Variants in TGFA observed in about 807,000 individuals in gnomAD.
The protein encoded by TGFA is transforming growth factor alpha.
A neutral mutation model predicts 21.7 loss-of-function variants in TGFA; 12 were observed. The observed-to-expected ratio is 0.55, with a 90% CI of 0.35 to 0.90. The LOEUF (loss-of-function observed/expected upper bound fraction) is 0.90, where lower values mean the gene tolerates loss of function less well. Among genes scored for constraint, TGFA ranks in the 40% least tolerant of loss-of-function variants. The pLI is 0.01. For synonymous variants in TGFA, 79 were observed against 88.1 expected, an observed-to-expected ratio of 0.90 and a Z score of 0.58; for missense variants, 178 against 210.8, an observed-to-expected ratio of 0.84 and a Z score of 0.96.
At chr2:70,529,786 G>C (rs1258674697) in intron 1 of TGFA, among the ~76,000 whole-genome samples, 2 of 152,220 alleles carry the variant, frequency 1.3e-5, no homozygotes, top group African/African-American at 4.8e-5. Flanking sequence ...TGACAGAAGA[G>C]ACACTCAGGG....
rs1417744041 is a variant in TGFA at position 70,450,753 on chromosome 2, G to C, written c.*106C>G. The C allele has an allele frequency of 1.5e-6, 2 of 1,336,792 alleles. No homozygotes were observed. Among genetic ancestry groups the C allele is most frequent in the Admixed American group, 2.0e-5 (1 of 50,866 alleles). The allele number at this position is 1,336,792 out of a possible 1,614,324, so 82.8% of individuals were successfully genotyped here. On this transcript the variant is annotated 3_prime_UTR_variant, in exon 6 of 6. Transcript: ENST00000295400. Reference sequence around the variant, plus strand: ...TGCACAGGTGATTACAGGCCAAGTAGGAAGGTCTGTGGCACACCCAGGCAT... The same window carrying C: ...TGCACAGGTGATTACAGGCCAAGTACGAAGGTCTGTGGCACACCCAGGCAT...
intron 1 of TGFA, among the ~76,000 whole-genome samples, chr2:70,546,298 C>CT (rs1217796368): frequency 2.6e-5 from 4 of 151,686 alleles, no homozygotes; most frequent in Non-Finnish European, 4.4e-5. Context: ...CCCTTCATTA[C>CT]TTTTTTTTAT....
chr2:70,542,607 T>G (rs1553505322), intron 1 of TGFA, among the ~76,000 whole-genome samples: 1 of 152,194 alleles, frequency 6.6e-6, no homozygotes, highest in East Asian at 1.9e-4. Context: ...AATGGTAAAT[T>G]TGGAGGTTTT....
At chr2:70,473,384 G>C (rs189114375) in intron 2 of TGFA, among the ~76,000 whole-genome samples, 1 of 151,784 alleles carries the variant, frequency 6.6e-6, no homozygotes, top group African/African-American at 2.4e-5. Flanking sequence ...CTGGGCAGGT[G>C]GGGGGAGGTG....
At chr2:70,548,305 A>G (rs563290829) in intron 1 of TGFA, among the ~76,000 whole-genome samples, 1 of 152,312 alleles carries the variant, frequency 6.6e-6, no homozygotes, top group East Asian at 1.9e-4. Context: ...AGAGGTGAGG[A>G]GGAAGAAGCC....
intron 2 of TGFA, among the ~76,000 whole-genome samples, chr2:70,510,660 C>T (rs562747543): frequency 6.6e-6 from 1 of 152,274 alleles, no homozygotes; most frequent in East Asian, 1.9e-4. Context: ...CTCTGCTGTC[C>T]CACTCAAATT....
At chr2:70,529,234 CT>C (rs1265812788) in intron 1 of TGFA, among the ~76,000 whole-genome samples, 1 of 152,198 alleles carries the variant, frequency 6.6e-6, no homozygotes, top group East Asian at 1.9e-4. Context: ...AGAATTGTTT[CT>C]TTTCAAGCCA....
At chr2:70,513,192 C>A (rs1438461200) in intron 2 of TGFA, among the ~76,000 whole-genome samples, 1 of 152,146 alleles carries the variant, frequency 6.6e-6, no homozygotes, top group Non-Finnish European at 1.5e-5. Flanking sequence ...TCAAATGATA[C>A]CCAGTGCGTA....
At chr2:70,530,376 C>A (rs1672779084) in intron 1 of TGFA, among the ~76,000 whole-genome samples, 1 of 152,240 alleles carries the variant, frequency 6.6e-6, no homozygotes, top group Non-Finnish European at 1.5e-5. Context: ...CATTCACAGG[C>A]AGATCCCAGG....
At chr2:70,521,618 T>TTTTG (rs1672471647) in intron 1 of TGFA, among the ~76,000 whole-genome samples, 2 of 8,184 alleles carry the variant, frequency 2.4e-4, no homozygotes, top group Admixed American at 1.5e-3. Context: ...TGTTTGTTTG[T>TTTTG]TTTTTTTTTT....
At chr2:70,519,442 T>C (rs1368040263) in intron 1 of TGFA, among the ~76,000 whole-genome samples, 3 of 152,252 alleles carry the variant, frequency 2.0e-5, no homozygotes, top group Non-Finnish European at 4.4e-5. Context: ...CTAAATTGTA[T>C]GATTTCATCA....
chr2:70,553,590 G>A, intron 1 of TGFA, 138 bp downstream of exon 1: 2 of 1,313,048 alleles, frequency 1.5e-6, no homozygotes, highest in South Asian at 4.7e-5. Flanking sequence ...TGCCTCCCAG[G>A]CGCCAACCCA....
chr2:70,535,424 T>C (rs1457901203), intron 1 of TGFA, among the ~76,000 whole-genome samples: 1 of 152,346 alleles, frequency 6.6e-6, no homozygotes, highest in East Asian at 1.9e-4. Flanking sequence ...AAAATAAATA[T>C]GTAGATACAT....
intron 2 of TGFA, among the ~76,000 whole-genome samples, chr2:70,469,688 A>C (rs1437612207): frequency 6.6e-6 from 1 of 152,218 alleles, no homozygotes. Flanking sequence ...GGCTTGTGTT[A>C]CACAGAAGCA....
chr2:70,527,735 C>G (rs1672682448), intron 1 of TGFA, among the ~76,000 whole-genome samples: 2 of 152,304 alleles, frequency 1.3e-5, no homozygotes, highest in Middle Eastern at 3.4e-3. Flanking sequence ...GGGTAAAGCT[C>G]TCTGTGCTTT....
intron 3 of TGFA, among the ~76,000 whole-genome samples, chr2:70,462,021 A>G (rs1298035260): frequency 6.6e-6 from 1 of 152,100 alleles, no homozygotes; most frequent in Non-Finnish European, 1.5e-5. Context: ...GACTTACGAT[A>G]TTTTAGAAAG....
chr2:70,494,219 GTT>G (rs1671513835), intron 2 of TGFA, among the ~76,000 whole-genome samples: 1 of 152,016 alleles, frequency 6.6e-6, no homozygotes, highest in Admixed American at 6.6e-5. Context: ...AGGTCTTGTG[GTT>G]ATACTGGGCC....
chr2:70,503,579 T>TAAAAAAA (rs372379367), intron 2 of TGFA, among the ~76,000 whole-genome samples: 3 of 134,418 alleles, frequency 2.2e-5, no homozygotes, highest in Admixed American at 7.4e-5. Context: ...ATAATAATAA[T>TAAAAAAA]AATAAAAAAA....
intron 2 of TGFA, among the ~76,000 whole-genome samples, chr2:70,508,914 T>C (rs535543590): frequency 3.3e-5 from 5 of 152,334 alleles, no homozygotes; most frequent in African/African-American, 1.2e-4. Context: ...TTCTGTCTAC[T>C]ACCCTGAGCA....
Sources: gnomAD v4.1 joint callset for allele counts (sites outside exome capture counted in the v4.1 genomes callset) on GRCh38, gnomAD v4.1.1 for gene constraint, MANE v1.5 for transcripts, NCBI Gene and HGNC (gene_info 2026-07-23, HGNC 2026-07-21) for gene names.